Variants in CSGALNACT1 observed in about 807,000 individuals in gnomAD.
The protein encoded by CSGALNACT1 is chondroitin sulfate N-acetylgalactosaminyltransferase 1.
In CSGALNACT1, 52 loss-of-function variants were observed where a neutral mutation model predicts 51.0. The observed-to-expected ratio is 1.02, with a 90% confidence interval of 0.82 to 1.29. CSGALNACT1 has a LOEUF of 1.29. Ranked by LOEUF, CSGALNACT1 falls within the 50% of genes most tolerant of loss-of-function variation. CSGALNACT1 has a pLI of 0.00. For missense variants in CSGALNACT1, 935 were observed against 679.2 expected, an observed-to-expected ratio of 1.38 and a Z score of -4.19; for synonymous variants, 341 against 254.4, an observed-to-expected ratio of 1.34 and a Z score of -3.24.
chr8:19,598,278 C>T (rs1295790558), intron 2 of CSGALNACT1, among the ~76,000 whole-genome samples: 1 of 152,250 alleles, frequency 6.6e-6, no homozygotes, highest in East Asian at 1.9e-4. Flanking sequence ...CATTCATGTG[C>T]CAGTATGAAC....
chr8:19,447,927 G>C (rs2153789693), intron 5 of CSGALNACT1, among the ~76,000 whole-genome samples: 1 of 152,336 alleles, frequency 6.6e-6, no homozygotes, highest in Non-Finnish European at 1.5e-5. Flanking sequence ...GACTTTTGGG[G>C]AATGTAATGG....
At chr8:19,538,466 A>G (rs932292881) in intron 3 of CSGALNACT1, among the ~76,000 whole-genome samples, 2 of 152,212 alleles carry the variant, frequency 1.3e-5, no homozygotes, top group African/African-American at 4.8e-5. Context: ...GGCAAAAGAT[A>G]CTTGTAATTG....
rs150522745 is a variant in CSGALNACT1, at chr8:19,505,479, T to A, written c.356A>T (p.Asp119Val). The A allele has an allele frequency of 4.8e-5, 77 of 1,614,066 alleles. No homozygotes were observed. In the African/African-American group the frequency reaches 8.7e-4, roughly 18 times the overall value. The change falls in exon 4 of 10, where the codon GAC (aspartate) becomes GTC (valine). Residue 119 changes from aspartate to valine, a missense_variant. Physicochemically the swap from Asp to Val is radical, Grantham distance 152. Transcript: ENST00000454498. The stretch of plus-strand genomic sequence containing the variant: ...CTGCGAGTGCAGGAAGGCCAGGAGG[T>A]CGGCCTGGGTTTTCTCTGGGGGGCT...
At chr8:19,727,933 A>T (rs899869507) in intron 1 of CSGALNACT1, among the ~76,000 whole-genome samples, 1 of 152,130 alleles carries the variant, frequency 6.6e-6, no homozygotes, top group Non-Finnish European at 1.5e-5. Flanking sequence ...AACAACTAAA[A>T]TTATTGCTGA....
Position 19,649,505 on chromosome 8 carries a change from A to C in CSGALNACT1, c.-544+32968T>G, listed in dbSNP as rs1018555755. On this transcript the variant is annotated intron_variant, in intron 1 of 9. Transcript: ENST00000332246. Reference sequence around the variant, plus strand: ...ATGCTGCTGTATATCATGTATTTTTAAAGAAATGTTGTCTTAGTCCTATGT... The same window carrying C: ...ATGCTGCTGTATATCATGTATTTTTCAAGAAATGTTGTCTTAGTCCTATGT... 5.9e-5 allele frequency among the ~76,000 whole-genome samples: 9 copies of C among 152,138 alleles called. No individual in the cohort carries two copies. In the South Asian group the frequency reaches 1.0e-3, roughly 18 times the overall value.
chr8:19,438,312 G>A (rs377755099), intron 6 of CSGALNACT1, among the ~76,000 whole-genome samples: 3 of 152,164 alleles, frequency 2.0e-5, no homozygotes, highest in Admixed American at 6.5e-5. Flanking sequence ...AAACTTTAAA[G>A]AACCCCTATC....
At chr8:19,709,263 T>C (rs977884213) in intron 1 of CSGALNACT1, among the ~76,000 whole-genome samples, 11 of 152,220 alleles carry the variant, frequency 7.2e-5, no homozygotes, top group Admixed American at 2.0e-4. Flanking sequence ...ATCCCTTCAA[T>C]GCATCTTGAT....
chr8:19,694,069 A>G lies in CSGALNACT1; in HGVS notation c.-297+63781T>C, dbSNP rs773839337. Among the ~76,000 whole-genome samples the G allele has an allele frequency of 8.2e-4, 124 of 152,094 alleles. 1 individual carries two copies. Among genetic ancestry groups the G allele is most frequent in the Non-Finnish European group, 1.4e-3 (96 of 68,036 alleles). Reference sequence around the variant, plus strand: ...TAAGATTGAATACTATATACATAATACTTATATTATTGAGTTTACATTATA... The same window carrying G: ...TAAGATTGAATACTATATACATAATGCTTATATTATTGAGTTTACATTATA... On this transcript the variant is annotated intron_variant, in intron 1 of 1. Transcript: ENST00000517494.
intron 3 of CSGALNACT1, among the ~76,000 whole-genome samples, chr8:19,507,920 C>A (rs770394428): frequency 1.3e-5 from 2 of 152,260 alleles, no homozygotes; most frequent in African/African-American, 4.8e-5. Context: ...AGCCGCCGTG[C>A]CCGGCCCTCC....
At chr8:19,606,551 A>T (rs1298681609), upstream of CSGALNACT1, among the ~76,000 whole-genome samples, 1 of 152,202 alleles carries the variant, frequency 6.6e-6, no homozygotes, top group Non-Finnish European at 1.5e-5. Flanking sequence ...AAAGGTCATG[A>T]GTTCTTCCCC....
intron 4 of CSGALNACT1, among the ~76,000 whole-genome samples, chr8:19,495,921 A>AT (rs1403450796): frequency 6.6e-6 from 1 of 152,180 alleles, no homozygotes; most frequent in East Asian, 1.9e-4. Flanking sequence ...ACCAATACCC[A>AT]TTTTAACTCC....
chr8:19,562,270 T>G (rs753316842), intron 3 of CSGALNACT1, among the ~76,000 whole-genome samples: 62 of 152,324 alleles, frequency 4.1e-4, no homozygotes, highest in Middle Eastern at 3.4e-3. Flanking sequence ...CTTGCTTATT[T>G]CATAAAAATT....
upstream of CSGALNACT1, among the ~76,000 whole-genome samples, chr8:19,605,484 C>T (rs74304264): frequency 0.014 from 2,146 of 152,204 alleles, 90 homozygotes; most frequent in East Asian, 0.14. Context: ...TTCTTGTATC[C>T]GGGTCTCAGT....
intron 1 of CSGALNACT1, among the ~76,000 whole-genome samples, chr8:19,692,504 G>A (rs961660197): frequency 1.2e-4 from 18 of 152,162 alleles, no homozygotes; most frequent in East Asian, 3.9e-4. Context: ...ATGATGGGGA[G>A]GATGAAAATG....
chr8:19,735,159 C>A (rs1214015036), intron 1 of CSGALNACT1, among the ~76,000 whole-genome samples: 1 of 152,052 alleles, frequency 6.6e-6, no homozygotes, highest in African/African-American at 2.4e-5. Context: ...TTCAAGAAAG[C>A]AAGTGGAGAT....
intron 3 of CSGALNACT1, among the ~76,000 whole-genome samples, chr8:19,519,105 T>C (rs1373923553): frequency 6.6e-6 from 1 of 152,150 alleles, no homozygotes; most frequent in African/African-American, 2.4e-5. Flanking sequence ...ACAAACATTA[T>C]GGAAAGCCCA....
intron 1 of CSGALNACT1, among the ~76,000 whole-genome samples, chr8:19,632,549 C>T (rs570760481): frequency 1.7e-4 from 26 of 152,284 alleles, no homozygotes; most frequent in Non-Finnish European, 2.6e-4. Flanking sequence ...GCATTTTGGA[C>T]GGTAAGTTTA....
chr8:19,504,207 G>C lies in CSGALNACT1; in HGVS notation c.634+994C>G, dbSNP rs545566895. Among the ~76,000 whole-genome samples the C allele has an allele frequency of 2.1e-3, 318 of 152,288 alleles. 4 individuals are homozygous for C. Among genetic ancestry groups the C allele is most frequent in the African/African-American group, 7.4e-3 (307 of 41,556 alleles). ...TTCTCCTGCCTCAGCCTCCCAAGTAGCTGGGTCTACAGGCGCCCGCCACCA... is the reference window on the plus strand; with the variant it reads ...TTCTCCTGCCTCAGCCTCCCAAGTACCTGGGTCTACAGGCGCCCGCCACCA... On this transcript the variant is annotated intron_variant, in intron 4 of 9. Coordinates refer to ENST00000454498, the Ensembl canonical transcript of CSGALNACT1.
At chr8:19,511,657 C>G (rs545542180) in intron 3 of CSGALNACT1, among the ~76,000 whole-genome samples, 2 of 152,122 alleles carry the variant, frequency 1.3e-5, no homozygotes, top group African/African-American at 4.8e-5. Context: ...GTATTCATAC[C>G]ACTGTGTGTC....
Sources: gnomAD v4.1 joint callset for allele counts (sites outside exome capture counted in the v4.1 genomes callset) on GRCh38, gnomAD v4.1.1 for gene constraint, MANE v1.5 for transcripts, NCBI Gene and HGNC (gene_info 2026-07-23, HGNC 2026-07-21) for gene names.